The following CHD6 variants were observed in gnomAD, a reference collection of about 807,000 sequenced individuals.
The protein encoded by CHD6 is ATP-dependent chromatin remodeler CHD6.
Under a neutral mutation model 276.9 loss-of-function variants are expected in CHD6, and 50 were observed. The observed-to-expected ratio is 0.18, with a 90% confidence interval of 0.14 to 0.23. The LOEUF is 0.23. CHD6 is among the 10% of genes least tolerant of loss of function. CHD6 has a pLI of 1.00. For missense variants in CHD6, 2,564 were observed against 3,365.8 expected, an observed-to-expected ratio of 0.76 and a Z score of 5.89; for synonymous variants, 1,173 against 1,229.3, an observed-to-expected ratio of 0.95 and a Z score of 0.96.
chr20:41,447,176 A>G (rs2048095878), intron 24 of CHD6, among the ~76,000 whole-genome samples: 1 of 152,152 alleles, frequency 6.6e-6, no homozygotes, highest in African/African-American at 2.4e-5. Flanking sequence ...AGACACTAGC[A>G]TTGCTCAATG....
At chr20:41,449,615 T>A (rs1378571490) in intron 23 of CHD6, among the ~76,000 whole-genome samples, 1 of 152,216 alleles carries the variant, frequency 6.6e-6, no homozygotes, top group African/African-American at 2.4e-5. Context: ...TGCAGCAGGT[T>A]TGTAACACCC....
chr20:41,421,594 T>C lies in CHD6; in HGVS notation c.5041A>G (p.Asn1681Asp), dbSNP rs2047194921. The C allele has an allele frequency of 1.9e-6, 3 of 1,613,948 alleles. No homozygotes were observed. The highest frequency in any genetic ancestry group is 2.5e-6 in the Non-Finnish European group (3 of 1,179,952). Residue 1681 changes from asparagine to aspartate, a missense_variant, in exon 31 of 37, where the codon AAC (asparagine) becomes GAC (aspartate). Physicochemically the swap from Asn to Asp is conservative, Grantham distance 23. Coordinates refer to ENST00000373233, the MANE Select transcript of CHD6 (RefSeq NM_032221.5). ...ACATCCTGAACTTTAGAAATAAAGT[T>C]TTCACATGTCACATCAGGCAGGCTG... Reference protein sequence around the residue: ...HLSLPDVTCENFISKVQDVIS... With the variant: ...HLSLPDVTCEDFISKVQDVIS...
intron 17 of CHD6, among the ~76,000 whole-genome samples, chr20:41,464,255 T>C (rs935929299): frequency 6.6e-6 from 1 of 152,192 alleles, no homozygotes; most frequent in Non-Finnish European, 1.5e-5. Flanking sequence ...GTTTTAGGAA[T>C]TGATGTTTCC....
Position 41,493,613 on chromosome 20 carries a change from C to T in CHD6, c.1239G>A (p.Glu413=). The T allele has an allele frequency of 6.2e-7, 1 of 1,613,798 alleles. No homozygotes were observed. The highest frequency in any genetic ancestry group is 8.5e-7 in the Non-Finnish European group (1 of 1,179,752). ...TTGCAGGATCTACATCTTCCTCTAG[C>T]TCCCACGTGCTTTCTTCATATGGTA... ...CSLPYEESTW[E]LEEDVDPAKV... Residue 413 remains glutamate, a synonymous_variant, in exon 10 of 37, where the codon GAG becomes GAA. Transcript: ENST00000373233.
At chr20:41,437,980 G>A (rs1479373505) in intron 26 of CHD6, among the ~76,000 whole-genome samples, 2 of 152,154 alleles carry the variant, frequency 1.3e-5, no homozygotes, top group Non-Finnish European at 2.9e-5. Context: ...TCAGAAAAAG[G>A]TAATTCCTGC....
chr20:41,536,964 T>C (rs1437239609), intron 2 of CHD6, among the ~76,000 whole-genome samples: 3 of 152,156 alleles, frequency 2.0e-5, no homozygotes, highest in Non-Finnish European at 4.4e-5. Context: ...TATAGAGATG[T>C]GAAGGTTGAA....
chr20:41,558,159 T>C (rs1215776334), intron 1 of CHD6, among the ~76,000 whole-genome samples: 1 of 152,166 alleles, frequency 6.6e-6, no homozygotes, highest in African/African-American at 2.4e-5. Flanking sequence ...CCCACCTTAC[T>C]ACCCTCCACG....
intron 25 of CHD6, among the ~76,000 whole-genome samples, chr20:41,444,149 G>A (rs1300951177): frequency 1.3e-5 from 2 of 152,224 alleles, no homozygotes; most frequent in East Asian, 3.9e-4. Flanking sequence ...GCAGCCTACT[G>A]TCTTCTGGGG....
Position 41,403,892 on chromosome 20 carries a change from C to T in CHD6, c.*701G>A. The stretch of plus-strand genomic sequence containing the variant: ...AAAGCTTTCTCGCAGCAAGAGGAAT[C>T]TTTTCACTGGTGAGAGGGATGTATA... On this transcript the variant is annotated 3_prime_UTR_variant, in exon 37 of 37. Transcript: ENST00000373233. 9.5e-7 allele frequency: 1 copy of T among 1,056,702 alleles called. No homozygotes were observed. Among genetic ancestry groups the T allele is most frequent in the Non-Finnish European group, 1.1e-6 (1 of 873,924 alleles). 65.5% of individuals were successfully genotyped at this position (1,056,702 alleles called of 1,614,324 possible). A position where few individuals can be genotyped will look rare whatever the true frequency, so the allele number is the denominator to read the frequency against.
At chr20:41,446,014 T>C (rs1053223657) in intron 24 of CHD6, among the ~76,000 whole-genome samples, 3 of 152,216 alleles carry the variant, frequency 2.0e-5, no homozygotes, top group Non-Finnish European at 2.9e-5. Context: ...GAAGCACCTC[T>C]TGGAGAACGC....
At chr20:41,419,203 A>G (rs2047100190) in intron 31 of CHD6, among the ~76,000 whole-genome samples, 1 of 152,126 alleles carries the variant, frequency 6.6e-6, no homozygotes, top group South Asian at 2.1e-4. Flanking sequence ...CTTAGCTAGT[A>G]TGTAAATTTT....
At chr20:41,498,783 A>T (rs374645887) in intron 6 of CHD6, among the ~76,000 whole-genome samples, 2 of 122,868 alleles carry the variant, frequency 1.6e-5, no homozygotes, top group Non-Finnish European at 3.8e-5. Flanking sequence ...GTATGTGTGT[A>T]TGTATGTATG....
intron 5 of CHD6, among the ~76,000 whole-genome samples, chr20:41,507,637 A>G (rs1247693339): frequency 6.6e-6 from 1 of 152,218 alleles, no homozygotes; most frequent in African/African-American, 2.4e-5. Flanking sequence ...AGATACACAC[A>G]GATATAAACT....
chr20:41,496,848 A>C (rs544665457), intron 8 of CHD6: 1 of 156,392 alleles, frequency 6.4e-6, no homozygotes, highest in Non-Finnish European at 1.4e-5. Context: ...TTATTCCAAG[A>C]ATAACACATT....
At chr20:41,409,587 G>T (rs2046783059) in intron 36 of CHD6, among the ~76,000 whole-genome samples, 1 of 152,132 alleles carries the variant, frequency 6.6e-6, no homozygotes, top group East Asian at 1.9e-4. Flanking sequence ...ACAAACGCAC[G>T]CTGGGTGAAA....
intron 16 of CHD6, among the ~76,000 whole-genome samples, chr20:41,476,025 A>C (rs1488693214): frequency 1.3e-5 from 2 of 152,138 alleles, no homozygotes; most frequent in African/African-American, 4.8e-5. Context: ...GAATTATTTG[A>C]GCTCCTCCCT....
chr20:41,617,173 A>G lies in CHD6; in HGVS notation c.-24+1167T>C, dbSNP rs535417307. On this transcript the variant is annotated intron_variant, in intron 1 of 36. Coordinates refer to ENST00000373233, the MANE Select transcript of CHD6 (RefSeq NM_032221.5). ...ACGAGGAGTTTTCAGGGGGTGGGAA[A>G]TAAGGCACACACACAGCCCCAGAGA... is the stretch of plus-strand genomic sequence containing the variant. Among the ~76,000 whole-genome samples the G allele has an allele frequency of 1.7e-3, 261 of 152,270 alleles. 3 individuals carry two copies. Among genetic ancestry groups the G allele is most frequent in the Non-Finnish European group, 3.3e-3 (227 of 68,024 alleles).
intron 17 of CHD6, among the ~76,000 whole-genome samples, chr20:41,459,660 C>T (rs182559456): frequency 9.9e-5 from 15 of 152,272 alleles, no homozygotes; most frequent in African/African-American, 3.1e-4. Flanking sequence ...CTCTTGCCGC[C>T]GCCATGTAAG....
chr20:41,504,736 CAT>C (rs2145925640), intron 5 of CHD6, among the ~76,000 whole-genome samples: 1 of 152,254 alleles, frequency 6.6e-6, no homozygotes, highest in African/African-American at 2.4e-5. Flanking sequence ...ACATTTTAAT[CAT>C]AGTTATTTTA....
Sources: allele counts gnomAD v4.1 joint callset (sites outside exome capture counted in the v4.1 genomes callset), GRCh38; gene constraint gnomAD v4.1.1; transcripts MANE v1.5; gene names NCBI Gene and HGNC (gene_info 2026-07-23, HGNC 2026-07-21).